The following MSI2 variants were observed in gnomAD, a reference collection of about 807,000 sequenced individuals.
MSI2 encodes musashi RNA binding protein 2.
A neutral mutation model predicts 45.6 loss-of-function variants in MSI2; 17 were observed. That is an observed-to-expected ratio of 0.37 (90% CI 0.26 to 0.56). The LOEUF (loss-of-function observed/expected upper bound fraction) is 0.56, where lower values mean the gene tolerates loss of function less well. Ranked by LOEUF, MSI2 falls within the 20% of genes least tolerant of loss-of-function variation. The pLI is 0.77. For missense variants in MSI2, 293 were observed against 444.2 expected, an observed-to-expected ratio of 0.66 and a Z score of 3.06; for synonymous variants, 156 against 158.2, an observed-to-expected ratio of 0.99 and a Z score of 0.11.
chr17:57,260,873 A>C (rs1440342212), intron 4 of MSI2, among the ~76,000 whole-genome samples: 1 of 150,626 alleles, frequency 6.6e-6, no homozygotes, highest in Non-Finnish European at 1.5e-5. Context: ...CGTGCTTCCC[A>C]CTCCCCACCC....
At chr17:57,503,621 G>A (rs954113765) in intron 6 of MSI2, among the ~76,000 whole-genome samples, 1 of 152,230 alleles carries the variant, frequency 6.6e-6, no homozygotes, top group Non-Finnish European at 1.5e-5. Context: ...CAGAGCTGAC[G>A]TTCATCCGTC....
chr17:57,416,799 G>A (rs17761485), intron 6 of MSI2, among the ~76,000 whole-genome samples: 22,533 of 152,122 alleles, frequency 0.15, 1,766 homozygotes, highest in Non-Finnish European at 0.16. Flanking sequence ...TAAGAATGCT[G>A]GTGATCATGG....
intron 6 of MSI2, among the ~76,000 whole-genome samples, chr17:57,464,628 G>A (rs771859017): frequency 4.4e-4 from 67 of 152,152 alleles, no homozygotes; most frequent in Non-Finnish European, 7.8e-4. Flanking sequence ...GTGTGGGCCA[G>A]CCTCTTCAGC....
intron 6 of MSI2, among the ~76,000 whole-genome samples, chr17:57,491,281 G>A (rs1461196994): frequency 6.6e-6 from 1 of 152,232 alleles, no homozygotes; most frequent in East Asian, 1.9e-4. Context: ...AGAGGCATTG[G>A]AGAAGACAGG....
At chr17:57,289,804 C>T (rs1051456239) in intron 5 of MSI2, among the ~76,000 whole-genome samples, 8 of 152,310 alleles carry the variant, frequency 5.3e-5, no homozygotes, top group East Asian at 3.9e-4. Context: ...CCCGGCAGCC[C>T]GGTGCACCCT....
chr17:57,571,874 A>C (rs139611704), intron 7 of MSI2, among the ~76,000 whole-genome samples: 1 of 152,120 alleles, frequency 6.6e-6, no homozygotes, highest in African/African-American at 2.4e-5. Context: ...TTCCCCGCCC[A>C]CATCAGGAGA....
intron 8 of MSI2, chr17:57,608,123 C>T (rs1378193545): frequency 6.6e-6 from 1 of 152,396 alleles, no homozygotes; most frequent in Non-Finnish European, 1.5e-5. Flanking sequence ...GTTAGGGACC[C>T]TTCCCCTGCC....
rs368633882 is a variant in MSI2 at position 57,680,218 on chromosome 17, A to G, written c.*701A>G. ...GATGTCTCTTTGTTAATCTGAGTCT[A>G]TCTATTTTCGGCAATAAGGTAAGGA... On this transcript the variant is annotated 3_prime_UTR_variant, in exon 14 of 14. Coordinates refer to ENST00000284073, the MANE Select transcript of MSI2 (RefSeq NM_138962.4). 3.6e-4 allele frequency: 83 copies of G among 229,108 alleles called. No individual in the cohort carries two copies. The highest frequency in any genetic ancestry group is 1.7e-3 in the African/African-American group (76 of 45,266). 14.2% of individuals were successfully genotyped at this position (229,108 alleles called of 1,614,324 possible).
At chr17:57,362,599 T>C (rs1027243055) in intron 5 of MSI2, among the ~76,000 whole-genome samples, 3 of 152,206 alleles carry the variant, frequency 2.0e-5, no homozygotes, top group African/African-American at 7.2e-5. Context: ...AGTCCATAAA[T>C]TTTTTGAACT....
intron 5 of MSI2, among the ~76,000 whole-genome samples, chr17:57,282,009 T>G (rs1909465503): frequency 6.6e-6 from 1 of 152,166 alleles, no homozygotes; most frequent in Non-Finnish European, 1.5e-5. Flanking sequence ...ACATTTTAAA[T>G]TTGTCACTGC....
intron 6 of MSI2, among the ~76,000 whole-genome samples, chr17:57,436,651 G>A (rs1004683575): frequency 6.6e-6 from 1 of 152,226 alleles, no homozygotes; most frequent in African/African-American, 2.4e-5. Context: ...GGAGGCAGGG[G>A]GGTGAGAGCA....
intron 7 of MSI2, among the ~76,000 whole-genome samples, chr17:57,536,747 G>C (rs1177246666): frequency 3.9e-5 from 6 of 152,312 alleles, no homozygotes; most frequent in Non-Finnish European, 5.9e-5. Context: ...GTCTGTCATA[G>C]ACCACCACCA....
chr17:57,663,910 A>T (rs1306869030), intron 11 of MSI2, among the ~76,000 whole-genome samples: 9 of 152,096 alleles, frequency 5.9e-5, no homozygotes, highest in African/African-American at 2.2e-4. Context: ...CTGGCCTTCG[A>T]AGTTAAAGCA....
At chr17:57,351,739 C>A (rs919736527) in intron 5 of MSI2, among the ~76,000 whole-genome samples, 12 of 152,112 alleles carry the variant, frequency 7.9e-5, no homozygotes, top group African/African-American at 2.7e-4. Flanking sequence ...GCCTGTAATC[C>A]CAGCTAGTTG....
chr17:57,428,002 G>A (rs1243344548), intron 6 of MSI2, among the ~76,000 whole-genome samples: 1 of 152,068 alleles, frequency 6.6e-6, no homozygotes, highest in Admixed American at 6.6e-5. Flanking sequence ...TATTTTCACT[G>A]TCTCAGCAAG....
At chr17:57,643,411 C>T (rs1026087437) in intron 10 of MSI2, among the ~76,000 whole-genome samples, 1 of 152,256 alleles carries the variant, frequency 6.6e-6, no homozygotes, top group Non-Finnish European at 1.5e-5. Context: ...CGAAGGGCCC[C>T]GCTGTGGGCA....
At chr17:57,490,343 C>T (rs1208141426) in intron 6 of MSI2, among the ~76,000 whole-genome samples, 1 of 152,194 alleles carries the variant, frequency 6.6e-6, no homozygotes, top group Admixed American at 6.5e-5. Flanking sequence ...ATGAAATTTG[C>T]CAAGTGTCTT....
intron 10 of MSI2, 125 bp from the exon 11 acceptor site, chr17:57,651,974 T>G: frequency 1.2e-6 from 1 of 854,802 alleles, no homozygotes; most frequent in Non-Finnish European, 1.9e-6. Context: ...AGCTGCCCTG[T>G]GAAAATCCCT....
intron 6 of MSI2, among the ~76,000 whole-genome samples, chr17:57,439,471 C>T (rs539223651): frequency 5.0e-4 from 76 of 152,252 alleles, no homozygotes; most frequent in African/African-American, 1.7e-3. Context: ...CAACATCCCA[C>T]AGGGACCTCC....
Sources: allele counts gnomAD v4.1 joint callset (sites outside exome capture counted in the v4.1 genomes callset), GRCh38; gene constraint gnomAD v4.1.1; transcripts MANE v1.5; gene names NCBI Gene and HGNC (gene_info 2026-07-23, HGNC 2026-07-21).